The following ULK4 variants were observed in gnomAD, a reference collection of about 807,000 sequenced individuals.
ULK4 encodes inactive serine/threonine-protein kinase ULK4.
Under a neutral mutation model 160.6 loss-of-function variants are expected in ULK4, and 133 were observed. The ratio of observed to expected loss-of-function variants is 0.83; its 90% CI spans 0.72 to 0.96. The LOEUF is 0.96. Ranked by LOEUF, ULK4 falls within the 40% of genes least tolerant of loss-of-function variation. The pLI, the probability that ULK4 is intolerant of heterozygous loss-of-function variation, is 0.00. For missense variants in ULK4, 1,580 were observed against 1,499.5 expected, an observed-to-expected ratio of 1.05 and a Z score of -0.89; for synonymous variants, 534 against 539.8, an observed-to-expected ratio of 0.99 and a Z score of 0.15.
At chr3:41,535,474 G>A (rs929899551) in intron 32 of ULK4, among the ~76,000 whole-genome samples, 1 of 152,138 alleles carries the variant, frequency 6.6e-6, no homozygotes, top group African/African-American at 2.4e-5. Context: ...CATTATTATA[G>A]TATCCATATT....
At chr3:41,716,678 A>C (rs1020308523) in intron 23 of ULK4, among the ~76,000 whole-genome samples, 7 of 152,210 alleles carry the variant, frequency 4.6e-5, no homozygotes, top group African/African-American at 1.7e-4. Flanking sequence ...CTTGGATCAA[A>C]TTTAACATTC....
intron 35 of ULK4, among the ~76,000 whole-genome samples, chr3:41,383,481 C>G (rs1267335478): frequency 6.6e-6 from 1 of 152,144 alleles, no homozygotes; most frequent in East Asian, 1.9e-4. Flanking sequence ...TTGTTAAGAG[C>G]ATGACACTAA....
chr3:41,830,216 C>T (rs1477306141), intron 18 of ULK4, among the ~76,000 whole-genome samples: 2 of 151,804 alleles, frequency 1.3e-5, no homozygotes, highest in Non-Finnish European at 2.9e-5. Context: ...TTAACGGGTG[C>T]AGCACACCAA....
chr3:41,478,867 A>G (rs1400056595), intron 32 of ULK4, among the ~76,000 whole-genome samples: 1 of 152,266 alleles, frequency 6.6e-6, no homozygotes, highest in African/African-American at 2.4e-5. Context: ...TGACTAATTC[A>G]AAAACTAAAT....
At chr3:41,379,940 T>C (rs1388882368) in intron 35 of ULK4, among the ~76,000 whole-genome samples, 1 of 152,180 alleles carries the variant, frequency 6.6e-6, no homozygotes, top group Non-Finnish European at 1.5e-5. Context: ...GTCTGATTGA[T>C]TAGGGAAGCC....
At chr3:41,804,268 C>G (rs1215034308) in intron 19 of ULK4, among the ~76,000 whole-genome samples, 101 of 152,022 alleles carry the variant, frequency 6.6e-4, no homozygotes, top group East Asian at 1.5e-3. Context: ...GTGTTTTTTG[C>G]CTGCATAAAT....
rs1262562468 is a variant in ULK4, at chr3:41,279,275, ACAAAAC to A, written c.3679-29707_3679-29702del. ...AAGAGTAAAAAAAAAAAAAAAAAAAACAAAACGACAAAGCCTCCAAGAAATATGAGA... is the reference window on the plus strand; with the variant it reads ...AAGAGTAAAAAAAAAAAAAAAAAAAAGACAAAGCCTCCAAGAAATATGAGA... On this transcript the variant is annotated intron_variant, in intron 35 of 36. Coordinates refer to ENST00000301831, the MANE Select transcript of ULK4 (RefSeq NM_017886.4). 5.8e-3 allele frequency among the ~76,000 whole-genome samples: 805 copies of A among 139,040 alleles called. 9 individuals are homozygous for A. The highest frequency in any genetic ancestry group is 0.023 in the African/African-American group (766 of 32,634). 91.2% of individuals were successfully genotyped at this position (139,040 alleles called of 152,430 possible). A position where few individuals can be genotyped will look rare whatever the true frequency, so the allele number is the denominator to read the frequency against.
intron 32 of ULK4, among the ~76,000 whole-genome samples, chr3:41,526,893 T>G (rs1304445630): frequency 1.3e-5 from 2 of 152,130 alleles, no homozygotes; most frequent in Admixed American, 1.3e-4. Flanking sequence ...AAGTGACATT[T>G]TTTTTTCTAT....
chr3:41,466,891 G>A (rs2083848833), intron 32 of ULK4, among the ~76,000 whole-genome samples: 1 of 151,990 alleles, frequency 6.6e-6, no homozygotes, highest in Non-Finnish European at 1.5e-5. Context: ...TTAAAAATGG[G>A]TAAAATATGT....
At chr3:41,790,308 AGAT>A (rs1331990408) in intron 20 of ULK4, among the ~76,000 whole-genome samples, 1 of 152,242 alleles carries the variant, frequency 6.6e-6, no homozygotes, top group Admixed American at 6.5e-5. Flanking sequence ...CTCATTTTAT[AGAT>A]GATAAAACTA....
At chr3:41,584,292 T>C (rs2030617518) in intron 31 of ULK4, among the ~76,000 whole-genome samples, 1 of 152,132 alleles carries the variant, frequency 6.6e-6, no homozygotes, top group Non-Finnish European at 1.5e-5. Context: ...AGTGAAGATA[T>C]AATAACTTTT....
rs77919003 is a variant in ULK4, at chr3:41,748,796, A to G, written c.2321+5565T>C. Among the ~76,000 whole-genome samples the G allele has an allele frequency of 5.6e-3, 851 of 152,312 alleles. 9 individuals are homozygous for G. Among genetic ancestry groups the G allele is most frequent in the African/African-American group, 0.02 (817 of 41,570 alleles). ...CCCTTTCTTAGACAAAAAGGTATTA[A>G]TAGTATGCTATGAATACTGTTCTAA... On this transcript the variant is annotated intron_variant, in intron 22 of 36. Transcript: ENST00000301831.
At chr3:41,536,347 G>A (rs1306261189) in intron 32 of ULK4, among the ~76,000 whole-genome samples, 1 of 143,034 alleles carries the variant, frequency 7.0e-6, no homozygotes, top group Non-Finnish European at 1.5e-5. Context: ...TCACATTTCT[G>A]TTACTAGACT....
intron 32 of ULK4, among the ~76,000 whole-genome samples, chr3:41,542,943 T>C (rs982270779): frequency 1.3e-5 from 2 of 152,082 alleles, no homozygotes; most frequent in South Asian, 2.1e-4. Context: ...CAATCTTCTA[T>C]GGACAGGAAT....
chr3:41,454,539 C>CAAAAAAAA (rs11286615), intron 34 of ULK4, among the ~76,000 whole-genome samples: 1 of 90,948 alleles, frequency 1.1e-5, no homozygotes, highest in African/African-American at 3.8e-5. Flanking sequence ...GACTTCATCT[C>CAAAAAAAA]AAAAAAAAAA....
intron 27 of ULK4, among the ~76,000 whole-genome samples, chr3:41,693,342 G>A (rs184433118): frequency 2.6e-5 from 4 of 152,220 alleles, no homozygotes; most frequent in Middle Eastern, 3.4e-3. Context: ...CCAGTAAATC[G>A]CAATTTACCC....
chr3:41,654,692 C>T (rs915690788), intron 30 of ULK4, among the ~76,000 whole-genome samples: 2 of 152,094 alleles, frequency 1.3e-5, no homozygotes, highest in African/African-American at 4.8e-5. Flanking sequence ...TGCGTTATCC[C>T]GTGAAATTCC....
At chr3:41,868,606 G>A (rs1243895207) in intron 17 of ULK4, among the ~76,000 whole-genome samples, 1 of 152,076 alleles carries the variant, frequency 6.6e-6, no homozygotes, top group Non-Finnish European at 1.5e-5. Flanking sequence ...TCCTGCCTCA[G>A]CCTCCCAAAT....
At chr3:41,912,117 C>T (rs1287260863) in intron 9 of ULK4, among the ~76,000 whole-genome samples, 1 of 151,984 alleles carries the variant, frequency 6.6e-6, no homozygotes, top group African/African-American at 2.4e-5. Flanking sequence ...CGCTTGAGGC[C>T]AGGAGTTTGA....
Sources: gnomAD v4.1 joint callset for allele counts (sites outside exome capture counted in the v4.1 genomes callset) on GRCh38, gnomAD v4.1.1 for gene constraint, MANE v1.5 for transcripts, NCBI Gene and HGNC (gene_info 2026-07-23, HGNC 2026-07-21) for gene names.